TTLL9: variants seen among roughly 807,000 people sequenced by gnomAD.
TTLL9 encodes the protein probable tubulin polyglutamylase TTLL9.
In TTLL9, 47 loss-of-function variants were observed where a neutral mutation model predicts 65.6. That is an observed-to-expected ratio of 0.72 (90% CI 0.57 to 0.91). TTLL9 has a LOEUF of 0.91. TTLL9 is among the 40% of genes least tolerant of loss of function. TTLL9 has a pLI of 0.00. For missense variants in TTLL9, 537 were observed against 568.8 expected, an observed-to-expected ratio of 0.94 and a Z score of 0.57; for synonymous variants, 179 against 204.8, an observed-to-expected ratio of 0.87 and a Z score of 1.07.
At chr20:31,907,619 G>A (rs947207426) in intron 4 of TTLL9, among the ~76,000 whole-genome samples, 23 of 152,010 alleles carry the variant, frequency 1.5e-4, no homozygotes, top group African/African-American at 5.6e-4. Context: ...TACTCGGGAG[G>A]CTGAGGAAGG....
intron 8 of TTLL9, among the ~76,000 whole-genome samples, chr20:31,923,375 C>G (rs910692414): frequency 4.6e-5 from 7 of 152,182 alleles, no homozygotes; most frequent in African/African-American, 1.7e-4. Flanking sequence ...TGCCCCTCAC[C>G]CTGCTCTCCT....
Position 31,909,834 on chromosome 20 carries a change from T to C in TTLL9, c.416T>C (p.Phe139Ser), listed in dbSNP as rs1239816243. 2 of 1,614,002 alleles carry C rather than the reference T, an allele frequency of 1.2e-6. No individual in the cohort carries two copies. The highest frequency in any genetic ancestry group is 3.3e-5 in the Admixed American group (2 of 60,018). Reference sequence around the variant, plus strand: ...CTGGAGGCAGCCAAGTGTGACTTCTTCCCCAAAACCTTTGAGATGCCTTGC... The same window carrying C: ...CTGGAGGCAGCCAAGTGTGACTTCTCCCCCAAAACCTTTGAGATGCCTTGC... Reference protein sequence around the residue: ...GKLEAAKCDFFPKTFEMPCEY... With the variant: ...GKLEAAKCDFSPKTFEMPCEY... The change falls in exon 6 of 15, where the codon TTC (phenylalanine) becomes TCC (serine). Residue 139 changes from phenylalanine to serine, a missense_variant. By Grantham distance (155) the Phe-to-Ser change is radical. Around this residue, in one of 3 missense-constraint regions of TTLL9, gnomAD observed 320 missense variants for 311.0 expected, o/e 1.03. Transcript: ENST00000535842.
chr20:31,941,589 C>T (rs1213280885), intron 14 of TTLL9, among the ~76,000 whole-genome samples: 2 of 151,700 alleles, frequency 1.3e-5, no homozygotes, highest in Admixed American at 6.6e-5. Flanking sequence ...GACGGAGTCT[C>T]GCTCTGTTGC....
chr20:31,877,493 G>A (rs1035527541), intron 2 of TTLL9, among the ~76,000 whole-genome samples: 2 of 152,172 alleles, frequency 1.3e-5, no homozygotes, highest in Non-Finnish European at 2.9e-5. Flanking sequence ...TTTATGAATA[G>A]TGCTTTATTA....
chr20:31,906,475 A>G lies in TTLL9; in HGVS notation c.207-2116A>G, dbSNP rs191344704. 5.3e-4 allele frequency among the ~76,000 whole-genome samples: 80 copies of G among 152,320 alleles called. 1 individual carries two copies. The highest frequency in any genetic ancestry group is 1.9e-3 in the African/African-American group (80 of 41,562). ...TTTTGGAACTACAGTCTGCCCCTGC[A>G]TCCTCCCCATTGGTCTTGTTCAGGG... is the stretch of plus-strand genomic sequence containing the variant. On this transcript the variant is annotated intron_variant, in intron 4 of 14. Coordinates refer to ENST00000535842, the MANE Select transcript of TTLL9 (RefSeq NM_001008409.5).
At chr20:31,889,038 GCACACA>G (rs3220144) in intron 3 of TTLL9, among the ~76,000 whole-genome samples, 20 of 147,344 alleles carry the variant, frequency 1.4e-4, no homozygotes, top group African/African-American at 3.5e-4. Flanking sequence ...TTTTATAAAG[GCACACA>G]CACACACACA....
At chr20:31,888,903 GA>G (rs2063238497) in intron 3 of TTLL9, among the ~76,000 whole-genome samples, 1 of 152,036 alleles carries the variant, frequency 6.6e-6, no homozygotes, top group Admixed American at 6.6e-5. Context: ...AACCATTCAT[GA>G]GGGATCCATT....
chr20:31,892,613 T>A (rs2063323202), intron 3 of TTLL9, among the ~76,000 whole-genome samples: 1 of 152,238 alleles, frequency 6.6e-6, no homozygotes, highest in African/African-American at 2.4e-5. Context: ...TTCAATCTGC[T>A]GTGATAGATT....
chr20:31,883,084 A>T (rs1265582199), intron 2 of TTLL9, among the ~76,000 whole-genome samples: 1 of 151,814 alleles, frequency 6.6e-6, no homozygotes. Context: ...CCCTTCAGAG[A>T]CCCCCACCCT....
At chr20:31,893,638 C>T (rs2063340703) in intron 3 of TTLL9, among the ~76,000 whole-genome samples, 1 of 151,830 alleles carries the variant, frequency 6.6e-6, no homozygotes, top group Non-Finnish European at 1.5e-5. Context: ...CCACCCTCAC[C>T]CCTCTATGCG....
At chr20:31,931,986 A>G (rs1280422051) in intron 10 of TTLL9, among the ~76,000 whole-genome samples, 2 of 151,888 alleles carry the variant, frequency 1.3e-5, no homozygotes, top group Admixed American at 6.6e-5. Context: ...TTATTCCTCT[A>G]TTTTTCTCTA....
At chr20:31,929,510 A>G (rs1271980215) in intron 10 of TTLL9, among the ~76,000 whole-genome samples, 1 of 151,900 alleles carries the variant, frequency 6.6e-6, no homozygotes, top group Non-Finnish European at 1.5e-5. Context: ...GTTGTCATTC[A>G]CCTTTTATAT....
At chr20:31,874,409 C>CTTTTTT (rs34362219) in intron 2 of TTLL9, among the ~76,000 whole-genome samples, 2 of 123,034 alleles carry the variant, frequency 1.6e-5, no homozygotes, top group African/African-American at 3.1e-5. Context: ...ATTAGCTGAT[C>CTTTTTT]TTTTTTTTTT....
Position 31,902,587 on chromosome 20 carries a change from A to C in TTLL9, c.206+4022A>C, listed in dbSNP as rs114926077. On this transcript the variant is annotated intron_variant, in intron 4 of 14. Coordinates refer to ENST00000535842, the MANE Select transcript of TTLL9 (RefSeq NM_001008409.5). Reference sequence around the variant, plus strand: ...TACCACATTTATTTATCTGCTCATTAATTGATAGGTGTTTAGGTTATTTCC... The same window carrying C: ...TACCACATTTATTTATCTGCTCATTCATTGATAGGTGTTTAGGTTATTTCC... Among the ~76,000 whole-genome samples the C allele has an allele frequency of 8.8e-3, 1,346 of 152,154 alleles. 20 individuals are homozygous for C. The highest frequency in any genetic ancestry group is 0.03 in the African/African-American group (1,261 of 41,500).
chr20:31,939,070 G>A (rs2064163442), intron 13 of TTLL9, 72 bp from the exon 14 acceptor site: 2 of 1,476,786 alleles, frequency 1.4e-6, no homozygotes, highest in African/African-American at 1.5e-5. Flanking sequence ...GGAGAGATCA[G>A]GGACCTCACT....
At chr20:31,893,669 CT>C (rs35254749) in intron 3 of TTLL9, among the ~76,000 whole-genome samples, 1,769 of 141,884 alleles carry the variant, frequency 0.012, 23 homozygotes, top group African/African-American at 0.036. Flanking sequence ...TTTCCTCAGG[CT>C]TTTTTTTTTT....
chr20:31,891,917 C>T (rs530229277), intron 3 of TTLL9, among the ~76,000 whole-genome samples: 5 of 152,088 alleles, frequency 3.3e-5, no homozygotes, highest in Admixed American at 2.0e-4. Context: ...ATTCTCCTGC[C>T]TCGGCCTCCC....
chr20:31,882,064 T>C (rs578188623), intron 2 of TTLL9, among the ~76,000 whole-genome samples: 1 of 152,330 alleles, frequency 6.6e-6, no homozygotes, highest in South Asian at 2.1e-4. Flanking sequence ...TATGAACTTA[T>C]TTGAGCAGGA....
intron 2 of TTLL9, among the ~76,000 whole-genome samples, chr20:31,878,689 CTG>C (rs1600514804): frequency 6.6e-6 from 1 of 152,186 alleles, no homozygotes; most frequent in Admixed American, 6.5e-5. Flanking sequence ...TCCAACAACT[CTG>C]TGACTCATTC....
Sources: allele counts gnomAD v4.1 joint callset (sites outside exome capture counted in the v4.1 genomes callset), GRCh38; gene constraint gnomAD v4.1.1; regional missense constraint gnomAD v4.1.1; transcripts MANE v1.5; gene names NCBI Gene and HGNC (gene_info 2026-07-23, HGNC 2026-07-21).